The following PRORP variants were observed in gnomAD, a reference collection of about 807,000 sequenced individuals.
The protein encoded by PRORP is protein only RNase P catalytic subunit, also known as mitochondrial ribonuclease P catalytic subunit.
Under a neutral mutation model 59.4 loss-of-function variants are expected in PRORP, and 51 were observed. The observed-to-expected ratio is 0.86, with a 90% confidence interval of 0.69 to 1.08. The LOEUF (loss-of-function observed/expected upper bound fraction) is 1.08. Ranked by LOEUF, PRORP falls within the 50% of genes least tolerant of loss-of-function variation. The pLI, the probability that PRORP is intolerant of heterozygous loss-of-function variation, is 0.00. For missense variants in PRORP, 646 were observed against 690.3 expected, an observed-to-expected ratio of 0.94 and a Z score of 0.72; for synonymous variants, 231 against 245.6, an observed-to-expected ratio of 0.94 and a Z score of 0.55.
chr14:35,131,053 C>T (rs1216544679), intron 4 of PRORP, among the ~76,000 whole-genome samples: 1 of 152,026 alleles, frequency 6.6e-6, no homozygotes, highest in Non-Finnish European at 1.5e-5. Context: ...AAGTGATTCT[C>T]CTGCCTCAGC....
At chr14:35,260,777 T>G (rs2050883256) in intron 5 of PRORP, among the ~76,000 whole-genome samples, 1 of 152,244 alleles carries the variant, frequency 6.6e-6, no homozygotes, top group African/African-American at 2.4e-5. Flanking sequence ...ACCCCCTTTT[T>G]GAAGGGTATT....
At chr14:35,180,852 C>A in intron 5 of PRORP, 75 bp downstream of exon 5, 1 of 907,566 alleles carries the variant, frequency 1.1e-6, no homozygotes, top group Non-Finnish European at 1.7e-6. Flanking sequence ...CTTCTTGGGG[C>A]TCTTAGCTCC....
At chr14:35,221,917 T>C (rs1179734981) in intron 5 of PRORP, among the ~76,000 whole-genome samples, 1 of 152,160 alleles carries the variant, frequency 6.6e-6, no homozygotes, top group Non-Finnish European at 1.5e-5. Flanking sequence ...GAGGACAAAA[T>C]TTATCCAGGT....
intron 5 of PRORP, among the ~76,000 whole-genome samples, chr14:35,211,694 G>A (rs1330136679): frequency 6.6e-6 from 1 of 152,156 alleles, no homozygotes; most frequent in Non-Finnish European, 1.5e-5. Flanking sequence ...GCTAAAAAAT[G>A]CTTAAATCAT....
intron 5 of PRORP, among the ~76,000 whole-genome samples, chr14:35,229,185 T>C (rs2050011120): frequency 6.6e-6 from 1 of 152,216 alleles, no homozygotes; most frequent in Admixed American, 6.5e-5. Context: ...TATAGATTCC[T>C]GGATATTAGA....
At chr14:35,262,046 C>T (rs1316203975) in intron 5 of PRORP, among the ~76,000 whole-genome samples, 1 of 152,134 alleles carries the variant, frequency 6.6e-6, no homozygotes, top group African/African-American at 2.4e-5. Context: ...AACTCAAGGC[C>T]ATTTATCTGA....
At chr14:35,137,781 G>A (rs2047405733) in intron 4 of PRORP, among the ~76,000 whole-genome samples, 1 of 145,270 alleles carries the variant, frequency 6.9e-6, no homozygotes, top group Non-Finnish European at 1.5e-5. Context: ...GAGAGCAAGA[G>A]AAGGCGATTC....
At chr14:35,125,890 G>T (rs2047085169) in intron 2 of PRORP, among the ~76,000 whole-genome samples, 2 of 152,138 alleles carry the variant, frequency 1.3e-5, no homozygotes, top group Admixed American at 6.6e-5. Flanking sequence ...ATGGCGGTGT[G>T]TGCCGGTAGT....
chr14:35,123,328 A>C lies in PRORP; in HGVS notation c.83A>C (p.Tyr28Ser), dbSNP rs1278928842. ...CTTGGGCTAGGCCCAGGGCACTCTTATGTCTCGCTGTTTCTGGCAGACCGC... is the reference window on the plus strand; with the variant it reads ...CTTGGGCTAGGCCCAGGGCACTCTTCTGTCTCGCTGTTTCTGGCAGACCGC... The part of the protein sequence containing the change: ...PYLGLGPGHS[Y>S]VSLFLADRCG... The change falls in exon 2 of 8, where the codon TAT becomes TCT. Residue 28 changes from tyrosine (Y) to serine (S), a missense_variant. By Grantham distance (144) the Tyr-to-Ser change is moderately radical (BLOSUM62 -2). Coordinates refer to ENST00000534898, the MANE Select transcript of PRORP (RefSeq NM_014672.4). 1 of 1,614,064 alleles carries C rather than the reference A, an allele frequency of 6.2e-7. No homozygotes were observed. The highest frequency in any genetic ancestry group is 8.5e-7 in the Non-Finnish European group (1 of 1,180,040).
intron 5 of PRORP, among the ~76,000 whole-genome samples, chr14:35,181,171 A>G (rs144173848): frequency 1.1e-3 from 166 of 152,188 alleles, no homozygotes; most frequent in African/African-American, 3.9e-3. Context: ...ATCACTCATT[A>G]CTCACATTTG....
At chr14:35,248,154 G>T (rs1044058911) in intron 5 of PRORP, among the ~76,000 whole-genome samples, 4 of 152,136 alleles carry the variant, frequency 2.6e-5, no homozygotes, top group Non-Finnish European at 4.4e-5. Flanking sequence ...ACGAAAGCAG[G>T]ATATAGGACA....
intron 4 of PRORP, among the ~76,000 whole-genome samples, chr14:35,172,413 T>TTTCCTTCC (rs71121269): frequency 0.06 from 4,561 of 76,440 alleles, 499 homozygotes; most frequent in Middle Eastern, 0.067. Flanking sequence ...GGTTTCTTTC[T>TTTCCTTCC]TTCCTTCCTT....
rs138542765 is a variant in PRORP, at chr14:35,256,614, G to A, written c.1276-10113G>A. 5.3e-3 allele frequency among the ~76,000 whole-genome samples: 804 copies of A among 152,024 alleles called. 9 individuals carry two copies. The highest frequency in any genetic ancestry group is 0.018 in the African/African-American group (758 of 41,498). ...CAAAGTGCTGGGACTACAGGCGTGA[G>A]CCACTGCGCCTGGCCCTGTGCTTAT... On this transcript the variant is annotated intron_variant, in intron 5 of 7. Transcript: ENST00000534898.
At chr14:35,271,186 TCTCA>T (rs2051179270) in intron 7 of PRORP, among the ~76,000 whole-genome samples, 1 of 126,768 alleles carries the variant, frequency 7.9e-6, no homozygotes, top group African/African-American at 3.0e-5. Flanking sequence ...TGAGACGGAA[TCTCA>T]CTCTGTCGCC....
intron 4 of PRORP, among the ~76,000 whole-genome samples, chr14:35,128,873 T>G (rs2047162002): frequency 6.6e-6 from 1 of 152,136 alleles, no homozygotes; most frequent in Admixed American, 6.6e-5. Flanking sequence ...CATTTTGGGT[T>G]TGGTTTACTC....
chr14:35,202,034 A>G (rs186234614), intron 5 of PRORP, among the ~76,000 whole-genome samples: 17 of 147,886 alleles, frequency 1.1e-4, no homozygotes, highest in Admixed American at 8.8e-4. Flanking sequence ...CAGTGGTGTG[A>G]TCTCGGCTCA....
At chr14:35,194,711 A>AT (rs1174169157) in intron 5 of PRORP, among the ~76,000 whole-genome samples, 2 of 152,162 alleles carry the variant, frequency 1.3e-5, no homozygotes. Context: ...AAAGTCAAAA[A>AT]GTGCAACCTT....
At chr14:35,175,124 T>A (rs2048414833) in intron 4 of PRORP, among the ~76,000 whole-genome samples, 1 of 152,104 alleles carries the variant, frequency 6.6e-6, no homozygotes, top group Non-Finnish European at 1.5e-5. Context: ...TGCCACATTT[T>A]CTTAACCCAG....
chr14:35,135,221 T>C (rs2047343982), intron 4 of PRORP, among the ~76,000 whole-genome samples: 1 of 152,226 alleles, frequency 6.6e-6, no homozygotes, highest in South Asian at 2.1e-4. Flanking sequence ...AGTGCCTCTT[T>C]CAGTGATACA....
Sources: allele counts gnomAD v4.1 joint callset (sites outside exome capture counted in the v4.1 genomes callset), GRCh38; gene constraint gnomAD v4.1.1; transcripts MANE v1.5; gene names NCBI Gene and HGNC (gene_info 2026-07-23, HGNC 2026-07-21).